BRCA2: variants seen among roughly 807,000 people sequenced by gnomAD.
BRCA2 encodes the protein breast cancer type 2 susceptibility protein.
Under a neutral mutation model 276.7 loss-of-function variants are expected in BRCA2, and 203 were observed. The observed-to-expected ratio is 0.73, with a 90% confidence interval of 0.65 to 0.82. The LOEUF is 0.82. Among genes scored for constraint, BRCA2 ranks in the 40% least tolerant of loss-of-function variants. The pLI is 0.00. For synonymous variants in BRCA2, 1,289 were observed against 1,338.4 expected (o/e 0.96, Z 0.81); for missense variants, 3,920 against 3,915.0 (o/e 1.00, Z -0.03).
intron 26 of BRCA2, 27 bp from the exon 27 acceptor site, chr13:32,398,135 T>C (rs2137662355): frequency 1.3e-6 from 2 of 1,588,260 alleles, no homozygotes; most frequent in East Asian, 2.2e-5. Flanking sequence ...ATAATTATGA[T>C]AGGCTACGTT....
At chr13:32,355,795 G>T (rs1048076994) in intron 14 of BRCA2, among the ~76,000 whole-genome samples, 1 of 151,924 alleles carries the variant, frequency 6.6e-6, no homozygotes, top group East Asian at 2.0e-4. Context: ...CAGGAGAATC[G>T]TTTGAACCCG....
chr13:32,396,900 T>A lies in BRCA2; in HGVS notation c.9504T>A (p.Asn3168Lys). The A allele has an allele frequency of 6.2e-7, 1 of 1,614,110 alleles. No individual in the cohort carries two copies. The highest frequency in any genetic ancestry group is 1.1e-5 in the South Asian group (1 of 91,084). ...AGCTTTTCCACTTATTTTCTTAGAA[T>A]ATTGACATACTTTGCAATGAAGCAG... ...TFNKMKNTVE[N>K]IDILCNEAEN... Residue 3168 changes from asparagine (N) to lysine (K), a missense_variant and splice_region_variant, in exon 26 of 27, where the codon AAT becomes AAA. Physicochemically the swap from Asn to Lys is moderately conservative, Grantham distance 94. Transcript: ENST00000380152.
chr13:32,338,632 C>G lies in BRCA2; in HGVS notation c.4277C>G (p.Thr1426Arg), dbSNP rs748591104. The G allele has an allele frequency of 6.3e-7, 1 of 1,598,674 alleles. No homozygotes were observed. The highest frequency in any genetic ancestry group is 8.5e-7 in the Non-Finnish European group (1 of 1,170,352). The change falls in exon 11 of 27, where the codon ACA becomes AGA. Residue 1426 changes from threonine to arginine, a missense_variant. Transcript: ENST00000380152. The part of the protein sequence containing the change: ...QNIKDFETSD[T>R]FFQTASGKNI... Reference sequence around the variant, plus strand: ...ATAAAAGATTTTGAGACTTCTGATACATTTTTTCAGACTGCAAGTGGGAAA... The same window carrying G: ...ATAAAAGATTTTGAGACTTCTGATAGATTTTTTCAGACTGCAAGTGGGAAA...
At position 32,331,004 on chromosome 13, in the gene BRCA2, C is replaced by T. The variant is rs1064794265; in HGVS notation, c.767C>T (p.Thr256Ile). ...GCTTCTGTGACAGACAGTGAAAACA[C>T]AAATCAAAGAGAAGCTGCAAGTCAT... ...FIASVTDSEN[T>I]NQREAASHGF... is the part of the protein sequence containing the mutation. Residue 256 changes from threonine to isoleucine, a missense_variant, in exon 9 of 27, where the codon ACA becomes ATA. Thr to Ile is a moderately conservative substitution (Grantham distance 89). Coordinates refer to ENST00000380152, the MANE Select transcript of BRCA2 (RefSeq NM_000059.4). The T allele has an allele frequency of 6.2e-7, 1 of 1,611,864 alleles. No individual in the cohort carries two copies.
intron 23 of BRCA2, 31 bp from the exon 24 acceptor site, chr13:32,379,976 A>G (rs1566253449): frequency 6.2e-7 from 1 of 1,613,528 alleles, no homozygotes; most frequent in Non-Finnish European, 8.5e-7. Context: ...TGGAATCTCC[A>G]TATGTTGAAT....
At chr13:32,386,293 A>T (rs765629833) in intron 24 of BRCA2, among the ~76,000 whole-genome samples, 20 of 152,194 alleles carry the variant, frequency 1.3e-4, no homozygotes, top group Non-Finnish European at 2.6e-4. Flanking sequence ...CTGTAATCCC[A>T]GCTACTCAGG....
chr13:32,361,594 A>G lies in BRCA2; in HGVS notation c.7806-929A>G, dbSNP rs530279775. Among the ~76,000 whole-genome samples the G allele has an allele frequency of 3.3e-5, 5 of 152,316 alleles. No homozygotes were observed. In the East Asian group the frequency reaches 9.6e-4, roughly 29 times the overall value. ...TAGAGAGGGAAAAAATTGATGATGC[A>G]GGAGAGAGAGGAGGCATTTCCTGAT... On this transcript the variant is annotated intron_variant, in intron 16 of 26. Coordinates refer to ENST00000380152, the MANE Select transcript of BRCA2 (RefSeq NM_000059.4).
At chr13:32,317,411 T>C (rs571759046) in intron 2 of BRCA2, among the ~76,000 whole-genome samples, 7 of 152,336 alleles carry the variant, frequency 4.6e-5, no homozygotes, top group African/African-American at 1.7e-4. Context: ...ATCTGTTATT[T>C]TGGTAGAAGT....
intron 3 of BRCA2, among the ~76,000 whole-genome samples, chr13:32,323,767 T>G (rs749468742): frequency 1.3e-5 from 2 of 152,232 alleles, no homozygotes; most frequent in Non-Finnish European, 2.9e-5. Context: ...AACTATTTTC[T>G]AAGAGTAATA....
Position 32,319,342 on chromosome 13 carries a change from G to T in BRCA2, c.316+17G>T. Reference sequence around the variant, plus strand: ...TAGACTTAGGTAAGTAATGCAATATGGTAGACTGGGGAGAACTACAAACTA... The same window carrying T: ...TAGACTTAGGTAAGTAATGCAATATTGTAGACTGGGGAGAACTACAAACTA... On this transcript the variant is annotated intron_variant, in intron 3 of 26. Transcript: ENST00000380152. The T allele has an allele frequency of 6.3e-7, 1 of 1,599,052 alleles. No individual in the cohort carries two copies. The highest frequency in any genetic ancestry group is 1.1e-5 in the South Asian group (1 of 90,682).
chr13:32,342,925 TGTAATCCCA>T (rs1199004963), intron 11 of BRCA2, among the ~76,000 whole-genome samples: 4 of 152,110 alleles, frequency 2.6e-5, no homozygotes, highest in Non-Finnish European at 5.9e-5. Flanking sequence ...GGCACACGCC[TGTAATCCCA>T]GCTACTAGGG....
chr13:32,394,710 T>C lies in BRCA2; in HGVS notation c.9278T>C (p.Leu3093Ser), dbSNP rs2137652071. 1 of 1,613,656 alleles carries C rather than the reference T, an allele frequency of 6.2e-7. No individual in the cohort carries two copies. The highest frequency in any genetic ancestry group is 8.5e-7 in the Non-Finnish European group (1 of 1,179,650). The part of the protein sequence containing the change: ...KKTGLAPFVY[L>S]SDECYNLLAI... ...CTAGGACTTGCCCCTTTCGTCTATTTGTCAGACGAATGTTACAATTTACTG... is the reference window on the plus strand; with the variant it reads ...CTAGGACTTGCCCCTTTCGTCTATTCGTCAGACGAATGTTACAATTTACTG... The change falls in exon 25 of 27, where the codon TTG becomes TCG. Residue 3093 changes from leucine (L) to serine (S), a missense_variant. Physicochemically the swap from Leu to Ser is moderately radical, Grantham distance 145 (BLOSUM62 -2). Coordinates refer to ENST00000380152, the MANE Select transcript of BRCA2 (RefSeq NM_000059.4).
At position 32,336,580 on chromosome 13, in the gene BRCA2, A is replaced by G. The variant is rs1282599125; in HGVS notation, c.2225A>G (p.Gln742Arg). 1.9e-6 allele frequency: 3 copies of G among 1,613,994 alleles called. No homozygotes were observed. The highest frequency in any genetic ancestry group is 1.1e-5 in the South Asian group (1 of 91,080). Residue 742 changes from glutamine (Q) to arginine (R), a missense_variant, in exon 11 of 27, where the codon CAA becomes CGA. By Grantham distance (43) the Gln-to-Arg change is conservative. Coordinates refer to ENST00000380152, the MANE Select transcript of BRCA2 (RefSeq NM_000059.4). ...EVLAAACHPVQHSKVEYSDTD... is the reference protein window; with the variant it reads ...EVLAAACHPVRHSKVEYSDTD... ...TTGGCTGCAGCATGTCACCCAGTACAACATTCAAAAGTGGAATACAGTGAT... is the reference window on the plus strand; with the variant it reads ...TTGGCTGCAGCATGTCACCCAGTACGACATTCAAAAGTGGAATACAGTGAT...
intron 20 of BRCA2, chr13:32,375,327 T>C (rs1166106566): frequency 2.3e-6 from 1 of 437,044 alleles, no homozygotes; most frequent in Non-Finnish European, 4.5e-6. Context: ...TCTTGCTATT[T>C]TCACCATATA....
At position 32,325,169 on chromosome 13, in the gene BRCA2, C is replaced by A. The variant is rs2137446947; in HGVS notation, c.410C>A (p.Ser137Tyr). 6.3e-7 allele frequency: 1 copy of A among 1,587,994 alleles called. No homozygotes were observed. Among genetic ancestry groups the A allele is most frequent in the Non-Finnish European group, 8.6e-7 (1 of 1,156,876 alleles). ...ADDVSCPLLN[S>Y]CLSESPVVLQ... ...GATGTTTCCTGTCCACTTCTAAATT[C>A]TTGTCTTAGTGAAAGGTATGATGAA... The change falls in exon 4 of 27, where the codon TCT (serine) becomes TAT (tyrosine). Residue 137 changes from serine to tyrosine, a missense_variant. Physicochemically the swap from Ser to Tyr is moderately radical, Grantham distance 144. Coordinates refer to ENST00000380152, the MANE Select transcript of BRCA2 (RefSeq NM_000059.4).
intron 25 of BRCA2, chr13:32,395,988 T>TTTTTA (rs1555289687): frequency 2.7e-5 from 7 of 259,456 alleles, no homozygotes; most frequent in African/African-American, 1.2e-4. Context: ...TTTTTTTTTT[T>TTTTTA]AGAGACAGAG....
chr13:32,376,520 TC>T (rs770710937), intron 20 of BRCA2, 149 bp from the exon 21 acceptor site: 1 of 726,914 alleles, frequency 1.4e-6, no homozygotes, highest in African/African-American at 2.0e-5. Context: ...AGACCCTGTC[TC>T]AAAAAAAAAA....
rs1555282770 is a variant in BRCA2, at chr13:32,337,003, T to C, written c.2648T>C (p.Phe883Ser). Reference protein sequence around the residue: ...ITVNPDSEELFSDNENNFVFQ... With the variant: ...ITVNPDSEELSSDNENNFVFQ... ...GTCAATCCAGACTCTGAAGAACTTT[T>C]CTCAGACAATGAGAATAATTTTGTC... Residue 883 changes from phenylalanine to serine, a missense_variant, in exon 11 of 27, where the codon TTC becomes TCC. Physicochemically the swap from Phe to Ser is radical, Grantham distance 155. Around this residue, in one of 2 missense-constraint regions of BRCA2, gnomAD observed 3,263 missense variants for 3,156.9 expected, o/e 1.03. Transcript: ENST00000380152. The C allele has an allele frequency of 6.3e-7, 1 of 1,588,346 alleles. No individual in the cohort carries two copies. The highest frequency in any genetic ancestry group is 1.9e-5 in the Admixed American group (1 of 53,162).
chr13:32,374,793 A>T (rs1279983149), intron 20 of BRCA2, among the ~76,000 whole-genome samples: 1 of 151,994 alleles, frequency 6.6e-6, no homozygotes, highest in Non-Finnish European at 1.5e-5. Flanking sequence ...AACTCTTCCA[A>T]TCTCTGCCTG....
Sources: allele counts gnomAD v4.1 joint callset (sites outside exome capture counted in the v4.1 genomes callset), GRCh38; gene constraint gnomAD v4.1.1; regional missense constraint gnomAD v4.1.1; transcripts MANE v1.5; gene names NCBI Gene and HGNC (gene_info 2026-07-23, HGNC 2026-07-21).